The following CCDC85A variants were observed in gnomAD, a reference collection of about 807,000 sequenced individuals.
CCDC85A encodes coiled-coil domain containing 85A.
In CCDC85A, 38 loss-of-function variants were observed where a neutral mutation model predicts 50.2. That is an observed-to-expected ratio of 0.76 (90% CI 0.58 to 0.99). The LOEUF (loss-of-function observed/expected upper bound fraction) is 0.99. Among genes scored for constraint, CCDC85A ranks in the 50% least tolerant of loss-of-function variants. CCDC85A has a pLI of 0.00. For missense variants in CCDC85A, 820 were observed against 742.0 expected, an observed-to-expected ratio of 1.11 and a Z score of -1.22; for synonymous variants, 366 against 301.4, an observed-to-expected ratio of 1.21 and a Z score of -2.22.
chr2:56,379,557 C>A (rs935718498), intron 5 of CCDC85A, among the ~76,000 whole-genome samples: 34 of 152,164 alleles, frequency 2.2e-4, no homozygotes, highest in African/African-American at 7.2e-4. Flanking sequence ...ATTTGAAAAT[C>A]AAATAGAATC....
chr2:56,252,172 G>A (rs578253090), intron 2 of CCDC85A, among the ~76,000 whole-genome samples: 3 of 151,560 alleles, frequency 2.0e-5, no homozygotes, highest in East Asian at 3.9e-4. Context: ...TCAGCCTCCC[G>A]AGTAGCTGGA....
chr2:56,204,956 TG>T lies in CCDC85A; in HGVS notation c.1240+11517del, dbSNP rs555109811. On this transcript the variant is annotated intron_variant, in intron 2 of 5. Transcript: ENST00000407595. Reference sequence around the variant, plus strand: ...TAGAGGTGACTTGGGATTTGTAATTTGTATACTTCCAAAATCTGTGGATAGT... The same window carrying T: ...TAGAGGTGACTTGGGATTTGTAATTTTATACTTCCAAAATCTGTGGATAGT... Among the ~76,000 whole-genome samples the T allele has an allele frequency of 2.0e-4, 31 of 152,304 alleles. No individual in the cohort carries two copies. In the East Asian group the frequency reaches 5.6e-3, roughly 28 times the overall value.
chr2:56,320,772 C>A (rs1371252563), intron 2 of CCDC85A, among the ~76,000 whole-genome samples: 1 of 152,130 alleles, frequency 6.6e-6, no homozygotes, highest in African/African-American at 2.4e-5. Flanking sequence ...AAGAGGGAAT[C>A]CTCCCTAATT....
At chr2:56,319,893 G>C (rs1673090034) in intron 2 of CCDC85A, among the ~76,000 whole-genome samples, 1 of 152,096 alleles carries the variant, frequency 6.6e-6, no homozygotes, top group Non-Finnish European at 1.5e-5. Context: ...TGGAAGTAAA[G>C]CACTCCTCTG....
intron 2 of CCDC85A, among the ~76,000 whole-genome samples, chr2:56,314,351 G>A (rs773799309): frequency 6.6e-6 from 1 of 151,850 alleles, no homozygotes; most frequent in Non-Finnish European, 1.5e-5. Context: ...GCAATCTTTA[G>A]GAAGTTTTTT....
At chr2:56,207,112 G>T (rs1676992945) in intron 2 of CCDC85A, among the ~76,000 whole-genome samples, 1 of 152,156 alleles carries the variant, frequency 6.6e-6, no homozygotes. Flanking sequence ...GGCTTGTCTA[G>T]TGCAGTAAAA....
chr2:56,200,769 C>G (rs1443216926), intron 2 of CCDC85A, among the ~76,000 whole-genome samples: 1 of 151,990 alleles, frequency 6.6e-6, no homozygotes, highest in Non-Finnish European at 1.5e-5. Flanking sequence ...GATGGCTGTT[C>G]ATTTACCATT....
At chr2:56,337,304 A>G (rs553697659) in intron 2 of CCDC85A, among the ~76,000 whole-genome samples, 2 of 152,238 alleles carry the variant, frequency 1.3e-5, no homozygotes, top group Non-Finnish European at 2.9e-5. Context: ...GGATTTTCAC[A>G]TCAATATCGT....
chr2:56,369,318 A>G (rs573865032), intron 3 of CCDC85A, among the ~76,000 whole-genome samples: 1 of 152,272 alleles, frequency 6.6e-6, no homozygotes, highest in Non-Finnish European at 1.5e-5. Flanking sequence ...TTAAATAAAT[A>G]GATGAGAACT....
At chr2:56,241,878 T>C (rs1669272538) in intron 2 of CCDC85A, among the ~76,000 whole-genome samples, 1 of 152,182 alleles carries the variant, frequency 6.6e-6, no homozygotes, top group South Asian at 2.1e-4. Flanking sequence ...GGTAGCTCTA[T>C]TTTTAGTTAT....
intron 3 of CCDC85A, among the ~76,000 whole-genome samples, chr2:56,352,652 T>C (rs1311728419): frequency 6.6e-6 from 1 of 152,158 alleles, no homozygotes; most frequent in African/African-American, 2.4e-5. Context: ...GGCAAGACTT[T>C]CTTAAATTAC....
chr2:56,340,763 C>G (rs147172484), intron 2 of CCDC85A, among the ~76,000 whole-genome samples: 1,902 of 151,156 alleles, frequency 0.013, 36 homozygotes, highest in African/African-American at 0.044. Context: ...GTAATCCCAA[C>G]TGCTAGGGAG....
intron 2 of CCDC85A, among the ~76,000 whole-genome samples, chr2:56,204,864 C>T (rs1329448724): frequency 6.6e-6 from 1 of 152,202 alleles, no homozygotes. Flanking sequence ...AAACCACATC[C>T]TCTTTGAAGC....
At chr2:56,361,923 G>A (rs545998787) in intron 3 of CCDC85A, among the ~76,000 whole-genome samples, 2 of 152,300 alleles carry the variant, frequency 1.3e-5, no homozygotes, top group African/African-American at 4.8e-5. Context: ...ACTCATTAGG[G>A]AGCTAGCTTG....
At chr2:56,198,853 C>T (rs1029717991) in intron 2 of CCDC85A, among the ~76,000 whole-genome samples, 5 of 152,144 alleles carry the variant, frequency 3.3e-5, no homozygotes, top group Admixed American at 6.5e-5. Flanking sequence ...TTTAATATTG[C>T]GTCTGCACAA....
intron 3 of CCDC85A, among the ~76,000 whole-genome samples, chr2:56,344,134 A>G (rs984742040): frequency 6.6e-6 from 1 of 152,208 alleles, no homozygotes; most frequent in Non-Finnish European, 1.5e-5. Flanking sequence ...AACCACGGAT[A>G]GTACCAAACC....
chr2:56,199,338 G>A (rs1676644149), intron 2 of CCDC85A, among the ~76,000 whole-genome samples: 1 of 152,150 alleles, frequency 6.6e-6, no homozygotes, highest in Admixed American at 6.5e-5. Flanking sequence ...AGGGATGTTA[G>A]TCGATCTCCA....
Position 56,332,166 on chromosome 2 carries a change from C to G in CCDC85A, c.1241-10713C>G, listed in dbSNP as rs146375609. Among the ~76,000 whole-genome samples, 8 of 152,338 alleles carry G rather than the reference C, an allele frequency of 5.3e-5. No individual in the cohort carries two copies. In the East Asian group the frequency reaches 1.5e-3, roughly 29 times the overall value. Reference sequence around the variant, plus strand: ...AGAACCTTATTAAGCAGATTTCTAGCTGAGGGGCATTTAGATTGTATTCTA... The same window carrying G: ...AGAACCTTATTAAGCAGATTTCTAGGTGAGGGGCATTTAGATTGTATTCTA... On this transcript the variant is annotated intron_variant, in intron 2 of 5. Transcript: ENST00000407595.
At chr2:56,253,753 G>T (rs1356417646) in intron 2 of CCDC85A, among the ~76,000 whole-genome samples, 3 of 152,318 alleles carry the variant, frequency 2.0e-5, no homozygotes, top group East Asian at 3.9e-4. Flanking sequence ...TGATGGATTA[G>T]CCATAGAGAC....
Sources: gnomAD v4.1 joint callset for allele counts (sites outside exome capture counted in the v4.1 genomes callset) on GRCh38, gnomAD v4.1.1 for gene constraint, MANE v1.5 for transcripts, NCBI Gene and HGNC (gene_info 2026-07-23, HGNC 2026-07-21) for gene names.